ALPL: variants seen among roughly 807,000 people sequenced by gnomAD.
ALPL encodes the protein alkaline phosphatase, biomineralization associated.
In ALPL, 42 loss-of-function variants were observed where a neutral mutation model predicts 51.3. The ratio of observed to expected loss-of-function variants is 0.82; its 90% CI spans 0.64 to 1.06. ALPL has a LOEUF of 1.06. Among genes scored for constraint, ALPL ranks in the 50% least tolerant of loss-of-function variants. The pLI, the probability that ALPL is intolerant of heterozygous loss-of-function variation, is 0.00. For missense variants in ALPL, 589 were observed against 709.4 expected (o/e 0.83, Z 1.93); for synonymous variants, 279 against 296.4 (o/e 0.94, Z 0.60).
At position 21,564,444 on chromosome 1, in the gene ALPL, A is replaced by G. The variant is rs1418598290; in HGVS notation, c.648+228A>G. Among the ~76,000 whole-genome samples, 1 of 152,214 alleles carries G rather than the reference A, an allele frequency of 6.6e-6. No homozygotes were observed. Among genetic ancestry groups the G allele is most frequent in the Non-Finnish European group, 1.5e-5 (1 of 68,026 alleles). ...CTCATGTGACCGCCACCACACCCCA[A>G]GAACCAGGCATCCAGGGATGATTCC... On this transcript the variant is annotated intron_variant, in intron 6 of 11. Coordinates refer to ENST00000374840, the MANE Select transcript of ALPL (RefSeq NM_000478.6). This position sits in a 1 kb window ranked among gnomAD's most constrained non-coding sequence, Gnocchi z 5.8.
intron 1 of ALPL, among the ~76,000 whole-genome samples, chr1:21,519,012 C>G (rs1168274241): frequency 6.6e-6 from 1 of 152,230 alleles, no homozygotes; most frequent in Non-Finnish European, 1.5e-5. Flanking sequence ...ATTTCCTGCA[C>G]AAGTCTTTTT....
At chr1:21,513,082 A>ATTG (rs1396844799) in intron 1 of ALPL, among the ~76,000 whole-genome samples, 1 of 151,754 alleles carries the variant, frequency 6.6e-6, no homozygotes, top group African/African-American at 2.4e-5. Flanking sequence ...TATTATTATT[A>ATTG]TTACTATTTT....
chr1:21,564,753 T>G lies in ALPL; in HGVS notation c.648+537T>G, dbSNP rs1644539224. ...CTCTCTGAGGCTTCCCTTTCACAAC[T>G]CCTTTGTGAACTGTACCTGCCTCAT... On this transcript the variant is annotated intron_variant, in intron 6 of 11. Transcript: ENST00000374840. The surrounding 1 kb of genome is among the most constrained non-coding windows in gnomAD (Gnocchi z 5.8). Among the ~76,000 whole-genome samples, 1 of 152,106 alleles carries G rather than the reference T, an allele frequency of 6.6e-6. No homozygotes were observed.
chr1:21,522,497 G>T (rs972201654), intron 1 of ALPL, among the ~76,000 whole-genome samples: 2 of 152,140 alleles, frequency 1.3e-5, no homozygotes, highest in Non-Finnish European at 2.9e-5. Flanking sequence ...CACCTGGTTG[G>T]TGTCACGTGC....
chr1:21,512,075 A>G (rs1242286021), intron 1 of ALPL, among the ~76,000 whole-genome samples: 1 of 152,204 alleles, frequency 6.6e-6, no homozygotes, highest in Non-Finnish European at 1.5e-5. Flanking sequence ...CTGAGAGAAC[A>G]TTGCTGGGAG....
chr1:21,513,798 A>T (rs906780987), intron 1 of ALPL, among the ~76,000 whole-genome samples: 1 of 152,216 alleles, frequency 6.6e-6, no homozygotes, highest in Non-Finnish European at 1.5e-5. Flanking sequence ...CTTCTCTTGA[A>T]AGATCAGAAG....
Position 21,564,065 on chromosome 1 carries a change from C to T in ALPL, c.497C>T (p.Thr166Ile), listed in dbSNP as rs1176474582. Residue 166 changes from threonine to isoleucine, a missense_variant, in exon 6 of 12, where the codon ACC (threonine) becomes ATC (isoleucine). By Grantham distance (89) the Thr-to-Ile change is moderately conservative. Transcript: ENST00000374840. The surrounding 1 kb of genome is among the most constrained non-coding windows in gnomAD (Gnocchi z 5.8). ...GGGAAATCTGTGGGCATTGTGACCACCACGAGAGTGAACCATGCCACCCCC... is the reference window on the plus strand; with the variant it reads ...GGGAAATCTGTGGGCATTGTGACCATCACGAGAGTGAACCATGCCACCCCC... Reference protein sequence around the residue: ...DAGKSVGIVTTTRVNHATPSA... With the variant: ...DAGKSVGIVTITRVNHATPSA... 6.2e-7 allele frequency: 1 copy of T among 1,614,012 alleles called. No homozygotes were observed. Among genetic ancestry groups the T allele is most frequent in the Admixed American group, 1.7e-5 (1 of 60,022 alleles).
intron 8 of ALPL, among the ~76,000 whole-genome samples, chr1:21,571,475 A>T (rs946139678): frequency 6.6e-6 from 1 of 151,632 alleles, no homozygotes; most frequent in Non-Finnish European, 1.5e-5. Flanking sequence ...GATTGAGACC[A>T]TCCTGGCTAA....
At chr1:21,519,082 G>A (rs1643853224) in intron 1 of ALPL, among the ~76,000 whole-genome samples, 1 of 152,256 alleles carries the variant, frequency 6.6e-6, no homozygotes, top group Non-Finnish European at 1.5e-5. Context: ...GAAAGGGGCT[G>A]TAGTGTAGCC....
chr1:21,528,281 A>G (rs1341363719), intron 1 of ALPL, among the ~76,000 whole-genome samples: 1 of 150,770 alleles, frequency 6.6e-6, no homozygotes, highest in East Asian at 1.9e-4. Flanking sequence ...TGGCCTCCCA[A>G]GGTGCTGAGA....
intron 1 of ALPL, among the ~76,000 whole-genome samples, chr1:21,518,927 A>T (rs1280004216): frequency 6.6e-6 from 1 of 152,212 alleles, no homozygotes; most frequent in African/African-American, 2.4e-5. Flanking sequence ...ATGCTAACAC[A>T]CTGAAGCTGA....
In ALPL at chr1:21,537,433, A is replaced by G. The variant is rs560105344; in HGVS notation, c.-104-16545A>G. Among the ~76,000 whole-genome samples, 3 of 152,296 alleles carry G rather than the reference A, an allele frequency of 2.0e-5. No individual in the cohort carries two copies. In the East Asian group the frequency reaches 5.8e-4, roughly 29 times the overall value. On this transcript the variant is annotated intron_variant, in intron 1 of 11. Transcript: ENST00000374840. ...TTTGTGGAGCGGGCACTCTGTCTAG[A>G]TACAAGAGGCCCCCAGGAAGCTGCG...
At chr1:21,551,534 G>A (rs565623907) in intron 1 of ALPL, 1 of 86,896 alleles carries the variant, frequency 1.2e-5, no homozygotes, top group African/African-American at 4.1e-5. Context: ...GAAATATTTG[G>A]AAACCGTAAA....
chr1:21,569,657 ACT>A (rs1644618176), intron 7 of ALPL, among the ~76,000 whole-genome samples: 1 of 152,080 alleles, frequency 6.6e-6, no homozygotes. Flanking sequence ...CACTGATCCC[ACT>A]GTCATTGCTA....
At chr1:21,545,935 C>T (rs568157205) in intron 1 of ALPL, among the ~76,000 whole-genome samples, 29 of 152,056 alleles carry the variant, frequency 1.9e-4, no homozygotes, top group Admixed American at 6.5e-4. Flanking sequence ...CCTGCCTCAG[C>T]CTCCCGAGTA....
chr1:21,541,867 G>T (rs1236798413), intron 1 of ALPL, among the ~76,000 whole-genome samples: 1 of 152,160 alleles, frequency 6.6e-6, no homozygotes, highest in Admixed American at 6.5e-5. Flanking sequence ...TTGGCACCAG[G>T]CCTCTGGGGT....
Position 21,573,781 on chromosome 1 carries a change from T to G in ALPL, c.979T>G (p.Phe327Val). The change falls in exon 9 of 12, where the codon TTC (phenylalanine) becomes GTC (valine). Residue 327 changes from phenylalanine to valine, a missense_variant. Transcript: ENST00000374840. ...IQILRKNPKG[F>V]FLLVEGGRID... ...GATCCTGCGGAAGAACCCCAAAGGC[T>G]TCTTCTTGCTGGTGGAAGGTAGGGA... The G allele has an allele frequency of 1.2e-6, 2 of 1,614,050 alleles. No individual in the cohort carries two copies. The highest frequency in any genetic ancestry group is 1.7e-6 in the Non-Finnish European group (2 of 1,179,956).
rs901845384 is a variant in ALPL, at chr1:21,577,975, G to C, written c.*327G>C. On this transcript the variant is annotated 3_prime_UTR_variant, in exon 12 of 12. Coordinates refer to ENST00000374840, the MANE Select transcript of ALPL (RefSeq NM_000478.6). ...TAGCGAACGTATTTCTCCAGACCCA[G>C]AGGCCCTGAAGCCTCCGTGGAACAT... 2.0e-5 allele frequency: 9 copies of C among 455,238 alleles called. No homozygotes were observed. Among genetic ancestry groups the C allele is most frequent in the African/African-American group, 1.8e-4 (9 of 51,050 alleles). 28.2% of individuals were successfully genotyped at this position (455,238 alleles called of 1,614,324 possible).
At chr1:21,551,967 C>T (rs1400212644) in intron 1 of ALPL, among the ~76,000 whole-genome samples, 2 of 150,232 alleles carry the variant, frequency 1.3e-5, no homozygotes, top group East Asian at 2.0e-4. Context: ...CTTCGTGATC[C>T]GCCCGCCTCG....
Sources: allele counts gnomAD v4.1 joint callset (sites outside exome capture counted in the v4.1 genomes callset), GRCh38; gene constraint gnomAD v4.1.1; non-coding constraint Gnocchi (gnomAD v3.1); transcripts MANE v1.5; gene names NCBI Gene and HGNC (gene_info 2026-07-23, HGNC 2026-07-21).